The following TAFA5 variants were observed in gnomAD, a reference collection of about 807,000 sequenced individuals.
The protein encoded by TAFA5 is chemokine-like protein TAFA-5.
Under a neutral mutation model 15.3 loss-of-function variants are expected in TAFA5, and 6 were observed. That is an observed-to-expected ratio of 0.39 (90% CI 0.21 to 0.77). TAFA5 has a LOEUF of 0.77. Ranked by LOEUF, TAFA5 falls within the 30% of genes least tolerant of loss-of-function variation. TAFA5 has a pLI of 0.41. For synonymous variants in TAFA5, 103 were observed against 80.7 expected, an observed-to-expected ratio of 1.28 and a Z score of -1.48; for missense variants, 161 against 193.1, an observed-to-expected ratio of 0.83 and a Z score of 0.98.
chr22:48,674,133 G>T (rs940958594), intron 2 of TAFA5, among the ~76,000 whole-genome samples: 7 of 152,246 alleles, frequency 4.6e-5, no homozygotes, highest in South Asian at 2.1e-4. Context: ...ATTGCCCTCC[G>T]CCCTTCCTCC....
intron 1 of TAFA5, among the ~76,000 whole-genome samples, chr22:48,634,724 TCTA>T (rs1926384357): frequency 6.6e-6 from 1 of 150,858 alleles, no homozygotes; most frequent in African/African-American, 2.5e-5. Context: ...CTCTCATTCA[TCTA>T]CTCATTCACT....
At chr22:48,701,202 C>A (rs1928895108) in intron 2 of TAFA5, among the ~76,000 whole-genome samples, 1 of 152,164 alleles carries the variant, frequency 6.6e-6, no homozygotes, top group Non-Finnish European at 1.5e-5. Flanking sequence ...AGGGTAGAGG[C>A]CCCTGTCTGC....
intron 2 of TAFA5, among the ~76,000 whole-genome samples, chr22:48,689,706 C>A (rs1239440058): frequency 6.6e-6 from 1 of 152,134 alleles, no homozygotes; most frequent in Non-Finnish European, 1.5e-5. Flanking sequence ...GCTCCCTGGG[C>A]CAGCCCAGCT....
In TAFA5 at chr22:48,646,708, T is replaced by C; in HGVS notation, c.224T>C (p.Ile75Thr). The part of the protein sequence containing the change: ...TARCACRKGQ[I>T]AGTTRARPAC... ...CGCTGTGCGTGTAGAAAGGGGCAGA[T>C]CGCCGGCACCACGAGAGCCCGGCCC... Residue 75 changes from isoleucine (I) to threonine (T), a missense_variant, in exon 2 of 4, where the codon ATC (isoleucine) becomes ACC (threonine). Coordinates refer to ENST00000402357, the MANE Select transcript of TAFA5 (RefSeq NM_001082967.3). 1 of 1,602,140 alleles carries C rather than the reference T, an allele frequency of 6.2e-7. No individual in the cohort carries two copies.
intron 2 of TAFA5, among the ~76,000 whole-genome samples, chr22:48,661,635 A>G (rs567191673): frequency 2.0e-5 from 3 of 152,284 alleles, no homozygotes; most frequent in South Asian, 4.1e-4. Flanking sequence ...GGGGCAGCGT[A>G]TGGCAGTGGG....
intron 1 of TAFA5, among the ~76,000 whole-genome samples, chr22:48,565,995 G>T (rs186734445): frequency 1.3e-5 from 2 of 151,738 alleles, no homozygotes; most frequent in African/African-American, 4.8e-5. Context: ...TGGACAGATG[G>T]ATGTATGATG....
chr22:48,512,762 T>C (rs1259304691), intron 1 of TAFA5, among the ~76,000 whole-genome samples: 1 of 149,214 alleles, frequency 6.7e-6, no homozygotes, highest in Admixed American at 6.7e-5. Context: ...CTACTAAAAA[T>C]ACAAAAAAAA....
intron 2 of TAFA5, among the ~76,000 whole-genome samples, chr22:48,681,689 G>C (rs1452290576): frequency 6.6e-6 from 1 of 151,514 alleles, no homozygotes; most frequent in African/African-American, 2.4e-5. Context: ...GAAAAAAACA[G>C]AGGCAAGAAG....
intron 1 of TAFA5, among the ~76,000 whole-genome samples, chr22:48,570,012 C>T (rs1392689020): frequency 6.6e-6 from 1 of 152,218 alleles, no homozygotes; most frequent in South Asian, 2.1e-4. Flanking sequence ...TCTTCCTGGC[C>T]GACATGCTCA....
intron 1 of TAFA5, among the ~76,000 whole-genome samples, chr22:48,549,719 G>A (rs1264466554): frequency 6.6e-6 from 1 of 152,192 alleles, no homozygotes; most frequent in Non-Finnish European, 1.5e-5. Flanking sequence ...AGGCAGTGCC[G>A]GGTTGGGCTT....
chr22:48,528,118 C>T (rs1302689508), intron 1 of TAFA5, among the ~76,000 whole-genome samples: 1 of 152,336 alleles, frequency 6.6e-6, no homozygotes, highest in East Asian at 1.9e-4. Context: ...ACAGGCCCCG[C>T]GATGGCTCTG....
At chr22:48,611,052 G>A (rs933499568) in intron 1 of TAFA5, among the ~76,000 whole-genome samples, 1 of 151,900 alleles carries the variant, frequency 6.6e-6, no homozygotes, top group Non-Finnish European at 1.5e-5. Flanking sequence ...TCCTGCCTCA[G>A]CCTCCCTAGT....
chr22:48,630,099 T>C (rs983996688), intron 1 of TAFA5, among the ~76,000 whole-genome samples: 3 of 150,364 alleles, frequency 2.0e-5, no homozygotes, highest in African/African-American at 7.4e-5. Flanking sequence ...GCAGGTGGAG[T>C]GGGAGGCTGC....
intron 1 of TAFA5, among the ~76,000 whole-genome samples, chr22:48,626,054 C>T (rs1161072311): frequency 6.6e-6 from 1 of 152,212 alleles, no homozygotes; most frequent in Non-Finnish European, 1.5e-5. Flanking sequence ...TAAGATTCCA[C>T]TTATATGAAC....
chr22:48,548,372 C>T (rs1922747808), intron 1 of TAFA5, among the ~76,000 whole-genome samples: 1 of 152,214 alleles, frequency 6.6e-6, no homozygotes, highest in African/African-American at 2.4e-5. Flanking sequence ...CTCGTCCTGC[C>T]ATGCCTTTTA....
chr22:48,580,164 A>C (rs575645016), intron 1 of TAFA5, among the ~76,000 whole-genome samples: 2 of 152,306 alleles, frequency 1.3e-5, no homozygotes, highest in East Asian at 3.9e-4. Context: ...TGATTGAGTC[A>C]ACGGATTCAA....
At chr22:48,578,565 G>A (rs750760408) in intron 1 of TAFA5, among the ~76,000 whole-genome samples, 4 of 152,192 alleles carry the variant, frequency 2.6e-5, no homozygotes, top group Non-Finnish European at 4.4e-5. Flanking sequence ...TGTGGAAGAC[G>A]GCGCAGTCAT....
At chr22:48,633,152 A>G (rs536170181) in intron 1 of TAFA5, among the ~76,000 whole-genome samples, 1 of 152,264 alleles carries the variant, frequency 6.6e-6, no homozygotes, top group South Asian at 2.1e-4. Flanking sequence ...ACTGGGCAGC[A>G]AGGAGGAGGC....
chr22:48,571,574 GTTTTTTTTTTTTTT>G (rs57578802), intron 1 of TAFA5, among the ~76,000 whole-genome samples: 63 of 29,244 alleles, frequency 2.2e-3, no homozygotes, highest in African/African-American at 5.4e-3. Context: ...TGCCTGGCCT[GTTTTTTTTTTTTTT>G]TTTTTTTTTT....
Sources: gnomAD v4.1 joint callset for allele counts (sites outside exome capture counted in the v4.1 genomes callset) on GRCh38, gnomAD v4.1.1 for gene constraint, MANE v1.5 for transcripts, NCBI Gene and HGNC (gene_info 2026-07-23, HGNC 2026-07-21) for gene names.